The following PHAF1 variants were observed in gnomAD, a reference collection of about 807,000 sequenced individuals.
The protein encoded by PHAF1 is phagophore assembly factor 1, also known as phagosome assembly factor 1.
Under a neutral mutation model 63.1 loss-of-function variants are expected in PHAF1, and 23 were observed. The ratio of observed to expected loss-of-function variants is 0.36; its 90% CI spans 0.26 to 0.52. The LOEUF (loss-of-function observed/expected upper bound fraction) is 0.52. Ranked by LOEUF, PHAF1 falls within the 20% of genes least tolerant of loss-of-function variation. PHAF1 has a pLI of 0.93. For missense variants in PHAF1, 427 were observed against 517.2 expected (o/e 0.83, Z 1.69); for synonymous variants, 167 against 185.0 (o/e 0.90, Z 0.79).
chr16:67,144,981 GC>G, intron 12 of PHAF1, 104 bp downstream of exon 12: 2 of 1,408,216 alleles, frequency 1.4e-6, no homozygotes, highest in Non-Finnish European at 2.0e-6. Context: ...TGGAGCTTCT[GC>G]CCATGGCCTC....
intron 2 of PHAF1, among the ~76,000 whole-genome samples, chr16:67,122,911 C>T (rs1268632289): frequency 6.6e-6 from 1 of 151,732 alleles, no homozygotes; most frequent in African/African-American, 2.4e-5. Context: ...GTATTTTTAG[C>T]AGAGATGGGG....
In PHAF1 at chr16:67,131,348, T is replaced by TG; in HGVS notation, c.275+21dup. On this transcript the variant is annotated intron_variant, in intron 4 of 15. Coordinates refer to ENST00000219139, the MANE Select transcript of PHAF1 (RefSeq NM_025187.5). Reference sequence around the variant, plus strand: ...AATATTGGTAAGTTTTCTCCCCTGCTGGTATATGTCACACTTGGTATAGAC... The same window carrying TG: ...AATATTGGTAAGTTTTCTCCCCTGCTGGGTATATGTCACACTTGGTATAGAC... 1 of 1,555,130 alleles carries TG rather than the reference T, an allele frequency of 6.4e-7. No individual in the cohort carries two copies. Among genetic ancestry groups the TG allele is most frequent in the South Asian group, 1.2e-5 (1 of 86,004 alleles).
intron 1 of PHAF1, among the ~76,000 whole-genome samples, chr16:67,112,381 CAAAA>C (rs964546436): frequency 2.2e-5 from 1 of 45,374 alleles, no homozygotes. Context: ...TCGTTTCTAC[CAAAA>C]AAAAAAAAAA....
At chr16:67,135,629 C>T (rs1963578049) in intron 8 of PHAF1, 1 of 152,174 alleles carries the variant, frequency 6.6e-6, no homozygotes, top group African/African-American at 2.4e-5. Flanking sequence ...GCATGTGCTA[C>T]CATGCCCAGT....
At chr16:67,146,135 G>T in intron 14 of PHAF1, 143 bp from the exon 15 acceptor site, 1 of 789,840 alleles carries the variant, frequency 1.3e-6, no homozygotes. Flanking sequence ...CTAGGATCTT[G>T]CAGGCCTGTG....
In PHAF1 at chr16:67,144,295, A is replaced by ATCG; in HGVS notation, c.881_882insTCG (p.Asp294_Ile295insArg). The ATCG allele has an allele frequency of 6.2e-7, 1 of 1,607,976 alleles. No individual in the cohort carries two copies. Among genetic ancestry groups the ATCG allele is most frequent in the Non-Finnish European group, 8.5e-7 (1 of 1,174,438 alleles). On this transcript the variant is annotated inframe_insertion and splice_region_variant, in exon 11 of 16. Transcript: ENST00000219139. ...GAGTACCCTTGTTTTCTATCCCAGG[A>ATCG]CATCCTCTTTGATGCGAATACACAC...
chr16:67,141,722 C>T (rs1031962630), intron 10 of PHAF1, among the ~76,000 whole-genome samples: 16 of 152,202 alleles, frequency 1.1e-4, no homozygotes, highest in Admixed American at 8.5e-4. Flanking sequence ...TCACGTGTAC[C>T]GCAAGCGGCT....
intron 11 of PHAF1, 126 bp from the exon 12 acceptor site, chr16:67,144,708 G>T: frequency 1.8e-6 from 2 of 1,094,422 alleles, no homozygotes; most frequent in South Asian, 2.8e-5. Context: ...AACACTGTCA[G>T]GCACTCAGAG....
At chr16:67,112,478 G>A (rs542994666) in intron 1 of PHAF1, among the ~76,000 whole-genome samples, 11 of 151,408 alleles carry the variant, frequency 7.3e-5, no homozygotes, top group Admixed American at 2.0e-4. Context: ...CAAGGCTGCC[G>A]TGGGTCATGA....
intron 3 of PHAF1, among the ~76,000 whole-genome samples, chr16:67,130,747 A>T (rs933087941): frequency 6.6e-6 from 1 of 152,224 alleles, no homozygotes; most frequent in Non-Finnish European, 1.5e-5. Context: ...CAGAGCCTTA[A>T]CAAGCTTCAT....
At position 67,109,964 on chromosome 16, in the gene PHAF1, T is replaced by G. The variant is rs1962435512; in HGVS notation, c.-212T>G. On this transcript the variant is annotated 5_prime_UTR_variant, in exon 1 of 16. Transcript: ENST00000219139. ...CTGCAGTCGCGCCCGCCGCCGTCGT[T>G]GCCCCCGCTGCCGCGGCTGCTGCAG... The G allele has an allele frequency of 1.9e-6, 1 of 526,492 alleles. No homozygotes were observed. The highest frequency in any genetic ancestry group is 3.3e-6 in the Non-Finnish European group (1 of 300,526). 32.6% of individuals were successfully genotyped at this position (526,492 alleles called of 1,614,324 possible). A position where few individuals can be genotyped will look rare whatever the true frequency, so the allele number is the denominator to read the frequency against.
At position 67,110,005 on chromosome 16, in the gene PHAF1, G is replaced by A; in HGVS notation, c.-171G>A. 1.6e-6 allele frequency: 1 copy of A among 631,356 alleles called. No homozygotes were observed. Among genetic ancestry groups the A allele is most frequent in the Admixed American group, 3.0e-5 (1 of 33,812 alleles). The allele number at this position is 631,356 out of a possible 1,614,324, so 39.1% of individuals were successfully genotyped here. ...GCTGCTGCAGGTGAGGTGAAGTGAG[G>A]TGAGGTGTGGTGTTGGGCCGGTGCT... is the stretch of plus-strand genomic sequence containing the variant. On this transcript the variant is annotated 5_prime_UTR_variant, in exon 1 of 16. In the 5' UTR this introduces an upstream ATG that the reference lacks. Coordinates refer to ENST00000219139, the MANE Select transcript of PHAF1 (RefSeq NM_025187.5).
rs1434001847 is a variant in PHAF1 at position 67,147,914 on chromosome 16, A to T, written c.*783A>T. 1 of 152,736 alleles carries T rather than the reference A, an allele frequency of 6.5e-6. No individual in the cohort carries two copies. Among genetic ancestry groups the T allele is most frequent in the African/African-American group, 2.4e-5 (1 of 41,476 alleles). The allele number at this position is 152,736 out of a possible 1,614,324, so 9.5% of individuals were successfully genotyped here. A position where few individuals can be genotyped will look rare whatever the true frequency, so the allele number is the denominator to read the frequency against. On this transcript the variant is annotated 3_prime_UTR_variant, in exon 16 of 16. Coordinates refer to ENST00000219139, the MANE Select transcript of PHAF1 (RefSeq NM_025187.5). ...GTTGTGTTTCAGCATTCTGTTCTGC[A>T]CTGTGGGCTGGCTCTCTGCCCCAAC...
intron 1 of PHAF1, among the ~76,000 whole-genome samples, chr16:67,115,231 A>G (rs1962690956): frequency 6.6e-6 from 1 of 152,230 alleles, no homozygotes; most frequent in Non-Finnish European, 1.5e-5. Flanking sequence ...GGAGGTATTG[A>G]GGTGAACAAG....
rs562024787 is a variant in PHAF1 at position 67,146,023 on chromosome 16, C to A, written c.1110-255C>A. 2.0e-5 allele frequency among the ~76,000 whole-genome samples: 3 copies of A among 152,264 alleles called. No homozygotes were observed. The South Asian group carries it at 6.2e-4, about 32-fold the overall frequency. On this transcript the variant is annotated intron_variant, in intron 14 of 15. Transcript: ENST00000219139. ...CCTGAGATTCTCTCACTCAAGAGGG[C>A]CCTCTTGACTCCTCGCCACCCTAGT...
intron 3 of PHAF1, among the ~76,000 whole-genome samples, chr16:67,127,923 G>A (rs142756539): frequency 1.5e-4 from 23 of 152,226 alleles, no homozygotes; most frequent in African/African-American, 4.3e-4. Context: ...GGAAGGTAAC[G>A]GTATTTCATG....
intron 2 of PHAF1, among the ~76,000 whole-genome samples, 154 bp downstream of exon 2, chr16:67,120,348 A>T (rs1195739268): frequency 6.6e-6 from 1 of 152,012 alleles, no homozygotes; most frequent in Admixed American, 6.6e-5. Context: ...CTTTTCTTTG[A>T]TTCTGAAACT....
At chr16:67,139,381 G>A (rs1435591445) in intron 8 of PHAF1, among the ~76,000 whole-genome samples, 1 of 99,348 alleles carries the variant, frequency 1.0e-5, no homozygotes, top group Non-Finnish European at 1.9e-5. Flanking sequence ...GACTGTCTCA[G>A]TCTGTCACCC....
Position 67,146,354 on chromosome 16 carries a change from A to C in PHAF1, c.1182+4A>C. 6.2e-7 allele frequency: 1 copy of C among 1,613,238 alleles called. No homozygotes were observed. The highest frequency in any genetic ancestry group is 1.3e-5 in the African/African-American group (1 of 75,000). On this transcript the variant is annotated splice_donor_region_variant and intron_variant, in intron 15 of 15. Transcript: ENST00000219139. The stretch of plus-strand genomic sequence containing the variant: ...TCTTCAGCGAATGATCTTTGAGGTA[A>C]GCTGTGGAAGCCCTAGAAATAAACT...
Sources: allele counts gnomAD v4.1 joint callset (sites outside exome capture counted in the v4.1 genomes callset), GRCh38; gene constraint gnomAD v4.1.1; transcripts MANE v1.5; gene names NCBI Gene and HGNC (gene_info 2026-07-23, HGNC 2026-07-21).